The following GNAO1 variants were observed in gnomAD, a reference collection of about 807,000 sequenced individuals.
GNAO1 encodes guanine nucleotide-binding protein G(o) subunit alpha.
For synonymous variants in GNAO1, 164 were observed against 180.7 expected, an observed-to-expected ratio of 0.91 and a Z score of 0.74; for missense variants, 166 against 478.7, an observed-to-expected ratio of 0.35 and a Z score of 6.10.
intron 2 of GNAO1, among the ~76,000 whole-genome samples, chr16:56,241,816 A>G (rs1363348673): frequency 1.3e-5 from 2 of 152,194 alleles, no homozygotes; most frequent in African/African-American, 4.8e-5. Context: ...GATTGAGTGT[A>G]TGTTTATACC....
chr16:56,207,474 C>T (rs548416198), intron 2 of GNAO1, among the ~76,000 whole-genome samples: 1 of 152,274 alleles, frequency 6.6e-6, no homozygotes, highest in African/African-American at 2.4e-5. Flanking sequence ...CGTGGTAGAA[C>T]TAGAGCCTAG....
At chr16:56,307,388 C>T (rs1405649190) in intron 3 of GNAO1, 1 of 152,196 alleles carries the variant, frequency 6.6e-6, no homozygotes, top group Non-Finnish European at 1.5e-5. Flanking sequence ...TCCTGCATGT[C>T]TCTCCTTTTT....
chr16:56,354,374 G>C lies in GNAO1; in HGVS notation c.878-492G>C, dbSNP rs1411647759. ...AAGTAATTGCAGTAATTGCAGTTTT[G>C]CTATCAAAAGTAATGGCAAGGCCAG... is the stretch of plus-strand genomic sequence containing the variant. On this transcript the variant is annotated intron_variant, in intron 7 of 8. Transcript: ENST00000262493. The surrounding 1 kb of genome is among the most constrained non-coding windows in gnomAD (Gnocchi z 4.3). 6.6e-6 allele frequency among the ~76,000 whole-genome samples: 1 copy of C among 152,082 alleles called. No individual in the cohort carries two copies. Among genetic ancestry groups the C allele is most frequent in the Non-Finnish European group, 1.5e-5 (1 of 68,026 alleles).
At chr16:56,304,856 G>A (rs1170566438) in intron 3 of GNAO1, among the ~76,000 whole-genome samples, 3 of 152,252 alleles carry the variant, frequency 2.0e-5, no homozygotes, top group African/African-American at 7.2e-5. Flanking sequence ...CACAGGTGGG[G>A]TTGTGTTGAT....
intron 3 of GNAO1, among the ~76,000 whole-genome samples, chr16:56,324,696 G>A (rs2037613898): frequency 6.6e-6 from 1 of 152,242 alleles, no homozygotes; most frequent in South Asian, 2.1e-4. Flanking sequence ...GCTGCCAGGG[G>A]GGCCCGGACA....
intron 2 of GNAO1, among the ~76,000 whole-genome samples, chr16:56,195,060 T>G (rs2036219281): frequency 7.1e-6 from 1 of 140,724 alleles, no homozygotes; most frequent in South Asian, 2.3e-4. Context: ...TTCTTCTCTT[T>G]CCCTTTACTT....
chr16:56,297,978 G>A (rs2037304575), intron 3 of GNAO1, among the ~76,000 whole-genome samples: 1 of 152,004 alleles, frequency 6.6e-6, no homozygotes. Context: ...AGACCAGCCT[G>A]GGAAACACAG....
chr16:56,197,641 A>C (rs1441730180), intron 2 of GNAO1, among the ~76,000 whole-genome samples: 3 of 152,234 alleles, frequency 2.0e-5, no homozygotes, highest in Admixed American at 6.5e-5. Context: ...GAGAACCAAC[A>C]TGGCTGGAAA....
intron 2 of GNAO1, among the ~76,000 whole-genome samples, chr16:56,217,373 G>A (rs2036445486): frequency 1.3e-5 from 2 of 152,198 alleles, no homozygotes; most frequent in South Asian, 4.1e-4. Context: ...TTGCAGTGAG[G>A]TATTGTGCAT....
At chr16:56,337,475 A>G (rs918501772) in intron 6 of GNAO1, among the ~76,000 whole-genome samples, 3 of 152,128 alleles carry the variant, frequency 2.0e-5, no homozygotes, top group Non-Finnish European at 4.4e-5. Flanking sequence ...CCAGGCTCCT[A>G]CCTTCTGTCT....
At chr16:56,277,235 C>A (rs1483117351) in intron 3 of GNAO1, among the ~76,000 whole-genome samples, 1 of 152,208 alleles carries the variant, frequency 6.6e-6, no homozygotes, top group African/African-American at 2.4e-5. Context: ...GGGACCTGGG[C>A]CCATCTGCCG....
At chr16:56,220,134 A>G (rs2036470477) in intron 2 of GNAO1, among the ~76,000 whole-genome samples, 1 of 152,104 alleles carries the variant, frequency 6.6e-6, no homozygotes. Flanking sequence ...GTGAACAGAT[A>G]TCTTTGGCCT....
chr16:56,238,214 G>A (rs1316268670), intron 2 of GNAO1, among the ~76,000 whole-genome samples: 3 of 151,466 alleles, frequency 2.0e-5, no homozygotes, highest in Non-Finnish European at 4.4e-5. Context: ...GGGACCAAGA[G>A]GATCAGGCTT....
At chr16:56,203,191 C>T (rs1405238188) in intron 2 of GNAO1, among the ~76,000 whole-genome samples, 1 of 152,036 alleles carries the variant, frequency 6.6e-6, no homozygotes, top group East Asian at 1.9e-4. Context: ...TTTACTCCAC[C>T]GAGCTTTACT....
chr16:56,340,559 C>G (rs1441672743), intron 6 of GNAO1: 3 of 333,868 alleles, frequency 9.0e-6, no homozygotes, highest in Non-Finnish European at 5.8e-6. Context: ...CCTCACTGCC[C>G]CCACCTGGGG....
chr16:56,243,882 A>G lies in GNAO1; in HGVS notation c.162-32049A>G, dbSNP rs189865287. Among the ~76,000 whole-genome samples, 828 of 152,320 alleles carry G rather than the reference A, an allele frequency of 5.4e-3. 10 individuals carry two copies. The highest frequency in any genetic ancestry group is 4.7e-3 in the Non-Finnish European group (321 of 68,022). ...TTAAGCATTTTACGTGCATTAACTC[A>G]TTTGCGGTCACCCAGTGAGGTAGGC... On this transcript the variant is annotated intron_variant, in intron 2 of 8. Transcript: ENST00000262493.
intron 2 of GNAO1, 159 bp downstream of exon 2, chr16:56,192,775 C>G: frequency 1.6e-6 from 1 of 627,094 alleles, no homozygotes; most frequent in South Asian, 1.8e-5. Flanking sequence ...TCCCCTCCCC[C>G]ACTCCCTACG....
At chr16:56,259,965 G>A (rs1403421816) in intron 2 of GNAO1, among the ~76,000 whole-genome samples, 2 of 152,202 alleles carry the variant, frequency 1.3e-5, no homozygotes. Context: ...TCCATAAAGT[G>A]GAGAGCTCTT....
chr16:56,256,700 C>G (rs1262314211), intron 2 of GNAO1, among the ~76,000 whole-genome samples: 10 of 112,322 alleles, frequency 8.9e-5, no homozygotes, highest in African/African-American at 2.1e-4. Flanking sequence ...CTCTCTCTCT[C>G]TCTCTCTCTC....
Sources: allele counts gnomAD v4.1 joint callset (sites outside exome capture counted in the v4.1 genomes callset), GRCh38; gene constraint gnomAD v4.1.1; non-coding constraint Gnocchi (gnomAD v3.1); transcripts MANE v1.5; gene names NCBI Gene and HGNC (gene_info 2026-07-23, HGNC 2026-07-21).